Variants in OTUD7A observed in about 807,000 individuals in gnomAD.
OTUD7A encodes the protein OTU deubiquitinase 7A.
In OTUD7A, 12 loss-of-function variants were observed where a neutral mutation model predicts 65.7. The ratio of observed to expected loss-of-function variants is 0.18; its 90% CI spans 0.12 to 0.30. The LOEUF is 0.30. OTUD7A is among the 10% of genes least tolerant of loss of function. OTUD7A has a pLI of 1.00. For missense variants in OTUD7A, 1,148 were observed against 1,304.8 expected, an observed-to-expected ratio of 0.88 and a Z score of 1.85; for synonymous variants, 641 against 586.3, an observed-to-expected ratio of 1.09 and a Z score of -1.35.
chr15:31,493,864 G>T (rs1242667357), intron 10 of OTUD7A, among the ~76,000 whole-genome samples: 3 of 152,194 alleles, frequency 2.0e-5, no homozygotes, highest in African/African-American at 7.2e-5. Context: ...CAGTACTTAG[G>T]GGAAAAGTTA....
intron 1 of OTUD7A, among the ~76,000 whole-genome samples, chr15:31,796,671 T>C (rs1049809740): frequency 6.6e-6 from 1 of 152,224 alleles, no homozygotes. Flanking sequence ...AAGTCAATGG[T>C]GACCCAATGC....
Position 31,481,746 on chromosome 15 carries a change from CCCT to C in OTUD7A, c.*1545_*1547del, listed in dbSNP as rs1469374988. The C allele has an allele frequency of 1.3e-5, 2 of 151,834 alleles. No homozygotes were observed. Among genetic ancestry groups the C allele is most frequent in the Admixed American group, 6.6e-5 (1 of 15,222 alleles). 9.4% of individuals were successfully genotyped at this position (151,834 alleles called of 1,614,324 possible). On this transcript the variant is annotated 3_prime_UTR_variant, in exon 13 of 13. Transcript: ENST00000307050. ...CAAGTAAAAAAAATCCCCTCGCCCCCCCTTTTTTTTTGTTTTTGCTGCTCTTTA... is the reference window on the plus strand; with the variant it reads ...CAAGTAAAAAAAATCCCCTCGCCCCCTTTTTTTTGTTTTTGCTGCTCTTTA...
rs1447117891 is a variant in OTUD7A at position 31,478,377 on chromosome 15, G to A, written c.*4917C>T. ...ATATATATCCTTGATATGCTCTTTG[G>A]GAGGAATAAAAAGATGCAAGCAATG... On this transcript the variant is annotated 3_prime_UTR_variant, in exon 13 of 13. Coordinates refer to ENST00000307050, the MANE Select transcript of OTUD7A (RefSeq NM_001382637.1). The A allele has an allele frequency of 2.0e-5, 3 of 151,976 alleles. No homozygotes were observed. Among genetic ancestry groups the A allele is most frequent in the Admixed American group, 1.3e-4 (2 of 15,260 alleles). 9.4% of individuals were successfully genotyped at this position (151,976 alleles called of 1,614,324 possible).
intron 1 of OTUD7A, among the ~76,000 whole-genome samples, chr15:31,793,769 G>T (rs977892582): frequency 5.9e-5 from 9 of 152,168 alleles, no homozygotes; most frequent in African/African-American, 2.2e-4. Flanking sequence ...TTTTAGCCCT[G>T]TGGCTTTCCT....
intron 12 of OTUD7A, among the ~76,000 whole-genome samples, chr15:31,486,885 A>G (rs867975575): frequency 2.2e-4 from 33 of 152,318 alleles, no homozygotes; most frequent in Middle Eastern, 3.4e-3. Flanking sequence ...TGCAGAAAAT[A>G]GGGGGACAAA....
At position 31,693,603 on chromosome 15, in the gene OTUD7A, C is replaced by A. The variant is rs529334154; in HGVS notation, c.-99-36526G>T. 2.4e-4 allele frequency among the ~76,000 whole-genome samples: 37 copies of A among 152,232 alleles called. No homozygotes were observed. The South Asian group carries it at 6.4e-3, about 27-fold the overall frequency. On this transcript the variant is annotated intron_variant, in intron 1 of 12. Transcript: ENST00000307050. ...CACACCCTTCTCAAAGCCCCCAGGG[C>A]TGACAGCGGGCCCAGGGAGTGTGCT...
At chr15:31,728,362 C>G (rs1017255315) in intron 1 of OTUD7A, among the ~76,000 whole-genome samples, 6 of 152,236 alleles carry the variant, frequency 3.9e-5, no homozygotes, top group African/African-American at 1.4e-4. Flanking sequence ...GATGGCCCCT[C>G]ATTCCTCCTC....
intron 1 of OTUD7A, among the ~76,000 whole-genome samples, chr15:31,868,434 A>G (rs1012420120): frequency 7.9e-5 from 12 of 152,214 alleles, no homozygotes; most frequent in Non-Finnish European, 1.6e-4. Context: ...ATTTTCAAAG[A>G]GTTTGCAATG....
At chr15:31,632,371 C>G (rs1266820338) in intron 3 of OTUD7A, among the ~76,000 whole-genome samples, 1 of 152,252 alleles carries the variant, frequency 6.6e-6, no homozygotes, top group Non-Finnish European at 1.5e-5. Context: ...CTCTGTTTGC[C>G]TCAGTATCAG....
At chr15:31,583,692 G>A (rs1315436190) in intron 3 of OTUD7A, among the ~76,000 whole-genome samples, 1 of 151,874 alleles carries the variant, frequency 6.6e-6, no homozygotes, top group East Asian at 1.9e-4. Flanking sequence ...CAGCCATGTG[G>A]AACTGTGAGT....
At chr15:31,777,897 C>T (rs554279936) in intron 1 of OTUD7A, among the ~76,000 whole-genome samples, 2 of 152,260 alleles carry the variant, frequency 1.3e-5, no homozygotes, top group East Asian at 3.9e-4. Context: ...TGCAAGCACC[C>T]AAGGCAGTGG....
intron 1 of OTUD7A, among the ~76,000 whole-genome samples, chr15:31,836,796 G>A (rs1172497010): frequency 6.6e-6 from 1 of 152,170 alleles, no homozygotes; most frequent in Admixed American, 6.5e-5. Context: ...TCCAACATAT[G>A]TGCATGATAT....
intron 1 of OTUD7A, among the ~76,000 whole-genome samples, chr15:31,813,382 G>T (rs930160925): frequency 6.6e-6 from 1 of 152,160 alleles, no homozygotes; most frequent in African/African-American, 2.4e-5. Flanking sequence ...AGTGTCTTAG[G>T]TCACGATGAT....
intron 4 of OTUD7A, among the ~76,000 whole-genome samples, chr15:31,560,850 C>T (rs1391791970): frequency 3.3e-5 from 5 of 152,242 alleles, no homozygotes; most frequent in Admixed American, 6.5e-5. Context: ...CAGCACACCA[C>T]GGTCACACGG....
chr15:31,707,940 TATATACA>T (rs1420971673), intron 1 of OTUD7A, among the ~76,000 whole-genome samples: 3 of 152,066 alleles, frequency 2.0e-5, no homozygotes, highest in South Asian at 4.1e-4. Flanking sequence ...ATAAATATAA[TATATACA>T]AAGTAAAAAA....
At chr15:31,592,840 C>A (rs7183270) in intron 3 of OTUD7A, among the ~76,000 whole-genome samples, 39,754 of 128,586 alleles carry the variant, frequency 0.31, 7,988 homozygotes, top group African/African-American at 0.58. Context: ...AGATCGTGCC[C>A]CTGCGCTCCA....
intron 9 of OTUD7A, 122 bp from the exon 10 acceptor site, chr15:31,501,961 G>A: frequency 8.8e-7 from 1 of 1,133,842 alleles, no homozygotes; most frequent in South Asian, 1.5e-5. Flanking sequence ...AGGGACAGGA[G>A]GGGTGGATGG....
chr15:31,779,541 A>G (rs533908616), intron 1 of OTUD7A, among the ~76,000 whole-genome samples: 3 of 152,234 alleles, frequency 2.0e-5, no homozygotes, highest in African/African-American at 7.2e-5. Flanking sequence ...AAGGTAATTG[A>G]CGGTAAAGAA....
At chr15:31,849,730 A>G (rs1332598983) in intron 1 of OTUD7A, among the ~76,000 whole-genome samples, 1 of 152,248 alleles carries the variant, frequency 6.6e-6, no homozygotes, top group African/African-American at 2.4e-5. Flanking sequence ...CCCATCAAAA[A>G]GTGGGCAAAG....
Sources: allele counts gnomAD v4.1 joint callset (sites outside exome capture counted in the v4.1 genomes callset), GRCh38; gene constraint gnomAD v4.1.1; transcripts MANE v1.5; gene names NCBI Gene and HGNC (gene_info 2026-07-23, HGNC 2026-07-21).